FSTL5: variants seen among roughly 807,000 people sequenced by gnomAD.
The protein encoded by FSTL5 is follistatin like 5.
In FSTL5, 62 loss-of-function variants were observed where a neutral mutation model predicts 89.1. The observed-to-expected ratio is 0.70, with a 90% CI of 0.57 to 0.86. FSTL5 has a LOEUF of 0.86. Among genes scored for constraint, FSTL5 ranks in the 40% least tolerant of loss-of-function variants. The pLI is 0.00. For missense variants in FSTL5, 1,057 were observed against 1,001.6 expected (o/e 1.06, Z -0.75); for synonymous variants, 383 against 346.2 (o/e 1.11, Z -1.18).
chr4:162,093,290 T>C (rs1439170988), intron 2 of FSTL5, among the ~76,000 whole-genome samples: 1 of 152,162 alleles, frequency 6.6e-6, no homozygotes, highest in African/African-American at 2.4e-5. Flanking sequence ...AATCTCTAAT[T>C]TTCAGGAATT....
chr4:162,118,246 G>A (rs1281872864), intron 1 of FSTL5, among the ~76,000 whole-genome samples: 1 of 140,426 alleles, frequency 7.1e-6, no homozygotes, highest in East Asian at 2.2e-4. Flanking sequence ...TTTTTCTTAG[G>A]AAAAAGCATT....
In FSTL5 at chr4:161,928,494, A is replaced by G. The variant is rs185588179; in HGVS notation, c.161-7842T>C. Among the ~76,000 whole-genome samples the G allele has an allele frequency of 3.2e-3, 484 of 151,898 alleles. 1 individual carries two copies. Among genetic ancestry groups the G allele is most frequent in the African/African-American group, 0.011 (474 of 41,496 alleles). The stretch of plus-strand genomic sequence containing the variant: ...ATTTAGTTTTATAAAAAACTACCAA[A>G]CTGTCTTCCAAAGTGACTGTTCCAT... On this transcript the variant is annotated intron_variant, in intron 3 of 15. Transcript: ENST00000306100.
At chr4:161,524,645 T>C (rs769022620) in intron 10 of FSTL5, among the ~76,000 whole-genome samples, 1 of 152,170 alleles carries the variant, frequency 6.6e-6, no homozygotes, top group African/African-American at 2.4e-5. Context: ...TTACACAAAG[T>C]TAACCAAACC....
rs1480962272 is a variant in FSTL5, at chr4:161,498,981, A to C, written c.1458+1035T>G. ...TTTGCGAGGCCGAGGAGGGTGCATCACGAGGTCAGGAGTTCGAGATCAGCC... is the reference window on the plus strand; with the variant it reads ...TTTGCGAGGCCGAGGAGGGTGCATCCCGAGGTCAGGAGTTCGAGATCAGCC... On this transcript the variant is annotated intron_variant, in intron 12 of 15. Transcript: ENST00000306100. Among the ~76,000 whole-genome samples the C allele has an allele frequency of 2.0e-5, 3 of 152,182 alleles. No homozygotes were observed. The East Asian group carries it at 5.8e-4, about 29-fold the overall frequency.
chr4:161,627,491 C>G (rs550273400), intron 7 of FSTL5, among the ~76,000 whole-genome samples: 1 of 152,114 alleles, frequency 6.6e-6, no homozygotes, highest in Non-Finnish European at 1.5e-5. Context: ...GTGTGACTCT[C>G]TTTATTGCAA....
intron 2 of FSTL5, among the ~76,000 whole-genome samples, chr4:162,099,810 A>G (rs2111378993): frequency 6.6e-6 from 1 of 152,292 alleles, no homozygotes; most frequent in South Asian, 2.1e-4. Context: ...GACAAAATAC[A>G]TTTTCTGTTT....
intron 1 of FSTL5, among the ~76,000 whole-genome samples, chr4:162,162,393 A>T (rs1046472673): frequency 6.6e-6 from 1 of 152,098 alleles, no homozygotes; most frequent in Non-Finnish European, 1.5e-5. Context: ...TCCTATTAAT[A>T]TTGGACATCT....
chr4:162,111,785 C>T (rs1731454749), intron 1 of FSTL5, among the ~76,000 whole-genome samples: 1 of 151,884 alleles, frequency 6.6e-6, no homozygotes, highest in Admixed American at 6.6e-5. Context: ...AAATATTGAA[C>T]TTTGAGTATG....
intron 9 of FSTL5, among the ~76,000 whole-genome samples, chr4:161,539,414 T>C (rs1006433035): frequency 3.3e-5 from 5 of 152,134 alleles, no homozygotes; most frequent in African/African-American, 7.2e-5. Flanking sequence ...GGACAGGCAG[T>C]GGATGTGGAT....
At chr4:161,979,239 T>C (rs1735748291) in intron 3 of FSTL5, among the ~76,000 whole-genome samples, 1 of 152,176 alleles carries the variant, frequency 6.6e-6, no homozygotes. Flanking sequence ...CTTGATGTGA[T>C]ATACACTGGT....
At chr4:161,905,256 G>C (rs1276727628) in intron 4 of FSTL5, among the ~76,000 whole-genome samples, 1 of 151,900 alleles carries the variant, frequency 6.6e-6, no homozygotes, top group Non-Finnish European at 1.5e-5. Context: ...CAATTTCATA[G>C]ACAATGTTGG....
chr4:161,727,897 T>C (rs1348203204), intron 6 of FSTL5, among the ~76,000 whole-genome samples: 4 of 152,242 alleles, frequency 2.6e-5, no homozygotes, highest in Non-Finnish European at 5.9e-5. Flanking sequence ...CTTAAAACCA[T>C]GGATTCAAAC....
At chr4:162,118,572 G>A (rs1561028926) in intron 1 of FSTL5, among the ~76,000 whole-genome samples, 1 of 152,148 alleles carries the variant, frequency 6.6e-6, no homozygotes, top group Non-Finnish European at 1.5e-5. Flanking sequence ...AAGAGCAATG[G>A]ATTCCCTCTT....
intron 6 of FSTL5, among the ~76,000 whole-genome samples, chr4:161,718,799 A>G (rs1327406051): frequency 3.3e-5 from 5 of 152,168 alleles, no homozygotes; most frequent in Admixed American, 1.3e-4. Flanking sequence ...ATATATATCT[A>G]TAAATCAAAA....
In FSTL5 at chr4:161,982,428, T is replaced by C. The variant is rs140125284; in HGVS notation, c.160+51197A>G. Among the ~76,000 whole-genome samples the C allele has an allele frequency of 5.0e-4, 76 of 152,322 alleles. No homozygotes were observed. The East Asian group carries it at 0.011, about 21-fold the overall frequency. ...AATAGAATGGTTCTCTATGTATAAG[T>C]GACATTTTTCTTAAACATATAGTTA... On this transcript the variant is annotated intron_variant, in intron 3 of 15. Transcript: ENST00000306100.
intron 4 of FSTL5, among the ~76,000 whole-genome samples, chr4:161,907,245 C>T (rs1235411617): frequency 6.6e-6 from 1 of 152,166 alleles, no homozygotes; most frequent in Non-Finnish European, 1.5e-5. Flanking sequence ...TACAAACTTA[C>T]ATGCTCTTTT....
rs559982636 is a variant in FSTL5, at chr4:161,729,552, T to C, written c.727+29859A>G. 9.9e-5 allele frequency among the ~76,000 whole-genome samples: 15 copies of C among 152,206 alleles called. No homozygotes were observed. The East Asian group carries it at 2.9e-3, about 29-fold the overall frequency. On this transcript the variant is annotated intron_variant, in intron 6 of 15. Transcript: ENST00000306100. Reference sequence around the variant, plus strand: ...CTTCATCATGTTCAGTGATATATGATTTTTGTCTCCTTTTTATTCTTTTCA... The same window carrying C: ...CTTCATCATGTTCAGTGATATATGACTTTTGTCTCCTTTTTATTCTTTTCA...
At chr4:161,531,378 A>T (rs949647058) in intron 10 of FSTL5, among the ~76,000 whole-genome samples, 10 of 152,192 alleles carry the variant, frequency 6.6e-5, no homozygotes, top group African/African-American at 2.4e-4. Flanking sequence ...TGTAGAAAAT[A>T]GCTGGATGAT....
chr4:161,834,908 C>T (rs1413234619), intron 4 of FSTL5, among the ~76,000 whole-genome samples: 1 of 151,036 alleles, frequency 6.6e-6, no homozygotes, highest in East Asian at 1.9e-4. Flanking sequence ...ATGCCATCCC[C>T]ATCAAGCTAC....
Sources: gnomAD v4.1 joint callset for allele counts (sites outside exome capture counted in the v4.1 genomes callset) on GRCh38, gnomAD v4.1.1 for gene constraint, MANE v1.5 for transcripts, NCBI Gene and HGNC (gene_info 2026-07-23, HGNC 2026-07-21) for gene names.